MEF2A: variants seen among roughly 807,000 people sequenced by gnomAD.
MEF2A encodes the protein myocyte-specific enhancer factor 2A.
Under a neutral mutation model 55.8 loss-of-function variants are expected in MEF2A, and 28 were observed. That is an observed-to-expected ratio of 0.50 (90% CI 0.37 to 0.69). The LOEUF (loss-of-function observed/expected upper bound fraction) is 0.69. Among genes scored for constraint, MEF2A ranks in the 30% least tolerant of loss-of-function variants. The pLI is 0.00. For synonymous variants in MEF2A, 239 were observed against 227.1 expected (o/e 1.05, Z -0.47); for missense variants, 528 against 626.2 (o/e 0.84, Z 1.67).
chr15:99,710,468 C>T (rs1369995555), intron 10 of MEF2A, among the ~76,000 whole-genome samples, 166 bp from the exon 11 acceptor site: 1 of 152,234 alleles, frequency 6.6e-6, no homozygotes, highest in South Asian at 2.1e-4. Context: ...GTCTCAAACT[C>T]CTGACCTCAA....
chr15:99,642,359 G>T (rs1347591445), intron 3 of MEF2A, among the ~76,000 whole-genome samples: 1 of 152,066 alleles, frequency 6.6e-6, no homozygotes. Context: ...GAGATTGTAT[G>T]CCTTTCTGTA....
chr15:99,588,529 C>G (rs1029392100), intron 1 of MEF2A, among the ~76,000 whole-genome samples: 1 of 152,094 alleles, frequency 6.6e-6, no homozygotes, highest in Admixed American at 6.6e-5. Context: ...TGGTCTCGAA[C>G]TCCTGAGCTC....
chr15:99,580,327 T>G (rs924774747), intron 1 of MEF2A, among the ~76,000 whole-genome samples: 1 of 152,214 alleles, frequency 6.6e-6, no homozygotes, highest in African/African-American at 2.4e-5. Context: ...TCCTTTTCCT[T>G]TCTTGTTTTT....
At chr15:99,627,133 G>C (rs1047179000) in intron 2 of MEF2A, among the ~76,000 whole-genome samples, 3 of 152,090 alleles carry the variant, frequency 2.0e-5, no homozygotes. Context: ...GGAGCCAAAA[G>C]GAGGTGAGGG....
intron 1 of MEF2A, among the ~76,000 whole-genome samples, chr15:99,585,317 C>T (rs1374813358): frequency 1.3e-5 from 2 of 152,012 alleles, no homozygotes; most frequent in South Asian, 2.1e-4. Context: ...TTTTTACCTC[C>T]TGTAATTGGA....
rs1246196753 is a variant in MEF2A, at chr15:99,712,295, G to A, written c.1137-95G>A. The A allele has an allele frequency of 6.9e-7, 1 of 1,439,552 alleles. No individual in the cohort carries two copies. Among genetic ancestry groups the A allele is most frequent in the African/African-American group, 1.4e-5 (1 of 69,804 alleles). 89.2% of individuals were successfully genotyped at this position (1,439,552 alleles called of 1,614,324 possible). A position where few individuals can be genotyped will look rare whatever the true frequency, so the allele number is the denominator to read the frequency against. ...GAACTCTGATAAGATTTCAGACTCT[G>A]GGCCCTTTTCCATCAGGCAGTGTCT... On this transcript the variant is annotated intron_variant, in intron 11 of 11. Coordinates refer to ENST00000557942, the MANE Select transcript of MEF2A (RefSeq NM_001319206.4). The surrounding 1 kb of genome is among the most constrained non-coding windows in gnomAD (Gnocchi z 4.1).
chr15:99,664,604 T>G (rs1197944376), intron 4 of MEF2A, among the ~76,000 whole-genome samples: 1 of 152,126 alleles, frequency 6.6e-6, no homozygotes, highest in Non-Finnish European at 1.5e-5. Context: ...TAGTGCAGGC[T>G]TGAGTGAGTA....
chr15:99,688,522 C>T (rs2054736705), intron 7 of MEF2A, among the ~76,000 whole-genome samples: 1 of 152,150 alleles, frequency 6.6e-6, no homozygotes, highest in African/African-American at 2.4e-5. Flanking sequence ...CTTTGGGAGG[C>T]CGAGGCGGGC....
chr15:99,622,948 C>T (rs1315498052), intron 2 of MEF2A, among the ~76,000 whole-genome samples: 3 of 152,056 alleles, frequency 2.0e-5, no homozygotes, highest in African/African-American at 7.2e-5. Flanking sequence ...GATCCACCCG[C>T]CTCGGCCTCC....
chr15:99,710,538 T>G (rs962238966), intron 10 of MEF2A, 96 bp from the exon 11 acceptor site: 8 of 1,489,222 alleles, frequency 5.4e-6, no homozygotes, highest in Middle Eastern at 1.7e-4. Context: ...CCAGCATGGC[T>G]GGCCTCAATG....
intron 4 of MEF2A, among the ~76,000 whole-genome samples, chr15:99,670,564 C>G (rs1339744384): frequency 6.6e-6 from 1 of 151,822 alleles, no homozygotes; most frequent in South Asian, 2.1e-4. Flanking sequence ...GAGCCAACAT[C>G]GTGCCACTGC....
chr15:99,647,637 T>C (rs1239147169), intron 4 of MEF2A, among the ~76,000 whole-genome samples: 1 of 152,220 alleles, frequency 6.6e-6, no homozygotes, highest in Non-Finnish European at 1.5e-5. Flanking sequence ...CAAACATTTT[T>C]TTAAGCAGTC....
intron 7 of MEF2A, among the ~76,000 whole-genome samples, chr15:99,683,134 T>C (rs994686853): frequency 6.6e-6 from 1 of 152,200 alleles, no homozygotes; most frequent in Non-Finnish European, 1.5e-5. Flanking sequence ...AGTGGTTGTT[T>C]TTTAAACTGC....
chr15:99,571,115 C>T (rs559679707), intron 1 of MEF2A, among the ~76,000 whole-genome samples: 5 of 151,482 alleles, frequency 3.3e-5, no homozygotes, highest in African/African-American at 1.2e-4. Context: ...ACCCAGGAGG[C>T]AGAGGTTGCA....
At chr15:99,610,411 G>GCCC (rs59710476) in intron 2 of MEF2A, among the ~76,000 whole-genome samples, 2 of 71,562 alleles carry the variant, frequency 2.8e-5, no homozygotes, top group African/African-American at 1.1e-4. Flanking sequence ...GGTCTCCCCC[G>GCCC]CCCCCCCCCC....
chr15:99,587,964 A>G (rs923308045), intron 1 of MEF2A, among the ~76,000 whole-genome samples: 1 of 152,154 alleles, frequency 6.6e-6, no homozygotes, highest in Non-Finnish European at 1.5e-5. Flanking sequence ...TAAAATAGCA[A>G]TTAAAAATGG....
intron 7 of MEF2A, among the ~76,000 whole-genome samples, chr15:99,684,093 A>G (rs1029309842): frequency 6.6e-6 from 1 of 152,090 alleles, no homozygotes; most frequent in African/African-American, 2.4e-5. Context: ...GTATATATAT[A>G]TATTACGTTT....
intron 5 of MEF2A, among the ~76,000 whole-genome samples, chr15:99,672,975 G>A (rs925875285): frequency 6.6e-6 from 1 of 152,124 alleles, no homozygotes; most frequent in Non-Finnish European, 1.5e-5. Context: ...CTACACACGT[G>A]CCATTTTATT....
chr15:99,637,809 A>AT (rs1463518185), intron 3 of MEF2A, among the ~76,000 whole-genome samples: 1 of 151,938 alleles, frequency 6.6e-6, no homozygotes, highest in Admixed American at 6.6e-5. Context: ...CGCCCGGCTA[A>AT]TTTTTTTGTA....
Sources: gnomAD v4.1 joint callset for allele counts (sites outside exome capture counted in the v4.1 genomes callset) on GRCh38, gnomAD v4.1.1 for gene constraint, Gnocchi (gnomAD v3.1) non-coding constraint, MANE v1.5 for transcripts, NCBI Gene and HGNC (gene_info 2026-07-23, HGNC 2026-07-21) for gene names.